SOX6: variants seen among roughly 807,000 people sequenced by gnomAD.
SOX6 encodes SRY-box transcription factor 6.
In SOX6, 11 loss-of-function variants were observed where a neutral mutation model predicts 97.8. The ratio of observed to expected loss-of-function variants is 0.11; its 90% CI spans 0.07 to 0.19. SOX6 has a LOEUF of 0.19. Among genes scored for constraint, SOX6 ranks in the 10% least tolerant of loss-of-function variants. SOX6 has a pLI of 1.00. For missense variants in SOX6, 810 were observed against 1,039.5 expected (o/e 0.78, Z 3.04); for synonymous variants, 360 against 371.4 (o/e 0.97, Z 0.35).
chr11:16,579,538 A>G (rs779168070), intron 4 of SOX6, among the ~76,000 whole-genome samples: 16 of 152,054 alleles, frequency 1.1e-4, no homozygotes, highest in South Asian at 2.1e-4. Context: ...TACATACTCT[A>G]CCTTCTACCT....
intron 1 of SOX6, among the ~76,000 whole-genome samples, chr11:16,409,455 AAGAT>A (rs1397888218): frequency 6.6e-6 from 1 of 152,204 alleles, no homozygotes; most frequent in African/African-American, 2.4e-5. Flanking sequence ...CTTCCACACT[AAGAT>A]ATATATGACT....
At chr11:16,726,111 T>C (rs1177190284) in intron 2 of SOX6, among the ~76,000 whole-genome samples, 1 of 152,224 alleles carries the variant, frequency 6.6e-6, no homozygotes, top group Non-Finnish European at 1.5e-5. Context: ...GAAAATGTTA[T>C]AAAATCAACA....
Position 16,096,068 on chromosome 11 carries a change from A to G in SOX6, c.1029T>C (p.Ser343=). ...TGTCCAAATTCCTGCCAAAACGGTC[A>G]CTTAGGCCCTTTAGCCTTTGGTTAA... is the stretch of plus-strand genomic sequence containing the variant. ...PQINQRLKGL[S]DRFGRNLDTF... The change falls in exon 9 of 16, where the codon AGT becomes AGC. Residue 343 remains serine, a synonymous_variant. Transcript: ENST00000683767. 6.2e-7 allele frequency: 1 copy of G among 1,611,554 alleles called. No individual in the cohort carries two copies. Among genetic ancestry groups the G allele is most frequent in the Non-Finnish European group, 8.5e-7 (1 of 1,178,566 alleles).
At chr11:16,600,277 T>C (rs868416739) in intron 4 of SOX6, among the ~76,000 whole-genome samples, 3 of 152,342 alleles carry the variant, frequency 2.0e-5, no homozygotes, top group Middle Eastern at 6.8e-3. Context: ...GAAATCTTTA[T>C]CTGATTCATA....
chr11:16,707,970 T>C (rs1242394723), intron 3 of SOX6, among the ~76,000 whole-genome samples: 2 of 152,138 alleles, frequency 1.3e-5, no homozygotes, highest in South Asian at 4.1e-4. Context: ...CTGTCTATAA[T>C]ATTCAGATAA....
At chr11:16,681,708 C>T (rs995352304) in intron 3 of SOX6, among the ~76,000 whole-genome samples, 3 of 152,016 alleles carry the variant, frequency 2.0e-5, no homozygotes, top group African/African-American at 7.2e-5. Flanking sequence ...AATAGATAGA[C>T]CACTAGCCAG....
intron 3 of SOX6, among the ~76,000 whole-genome samples, chr11:16,616,356 A>G (rs1468862048): frequency 6.6e-6 from 1 of 152,072 alleles, no homozygotes; most frequent in Non-Finnish European, 1.5e-5. Context: ...TTGTTTTATT[A>G]TTTGTTAGCA....
At chr11:16,594,242 A>G (rs1177758648) in intron 4 of SOX6, among the ~76,000 whole-genome samples, 1 of 152,192 alleles carries the variant, frequency 6.6e-6, no homozygotes, top group Non-Finnish European at 1.5e-5. Flanking sequence ...CCTGTTACAA[A>G]ATGCCATACA....
chr11:16,501,093 T>A (rs1860699547), intron 4 of SOX6, among the ~76,000 whole-genome samples: 2 of 152,194 alleles, frequency 1.3e-5, no homozygotes, highest in Admixed American at 1.3e-4. Context: ...AACAGCATGG[T>A]ACTGGTACCA....
chr11:16,396,799 A>T (rs1858372919), intron 1 of SOX6, among the ~76,000 whole-genome samples: 1 of 151,532 alleles, frequency 6.6e-6, no homozygotes, highest in Non-Finnish European at 1.5e-5. Flanking sequence ...TAACAGGAGG[A>T]GCAGTCTTTA....
chr11:16,390,947 G>A (rs905903496), intron 1 of SOX6, among the ~76,000 whole-genome samples: 1 of 152,068 alleles, frequency 6.6e-6, no homozygotes, highest in African/African-American at 2.4e-5. Context: ...CAACCCAAAC[G>A]TCCATCAATG....
chr11:16,358,819 A>G (rs1857132807), upstream of SOX6, among the ~76,000 whole-genome samples: 1 of 152,156 alleles, frequency 6.6e-6, no homozygotes, highest in Non-Finnish European at 1.5e-5. Context: ...TTATTAGCCT[A>G]TGACTCTAAG....
At chr11:16,478,851 C>G (rs1860296746), upstream of SOX6, among the ~76,000 whole-genome samples, 1 of 152,120 alleles carries the variant, frequency 6.6e-6, no homozygotes, top group Non-Finnish European at 1.5e-5. Flanking sequence ...GATGGCAGCA[C>G]AAATGTGAAA....
chr11:16,682,078 T>C (rs1028156974), intron 3 of SOX6, among the ~76,000 whole-genome samples: 1 of 152,090 alleles, frequency 6.6e-6, no homozygotes, highest in South Asian at 2.1e-4. Context: ...TTCCAATCAA[T>C]AGAAAAAGAG....
intron 15 of SOX6, among the ~76,000 whole-genome samples, chr11:15,978,040 T>C (rs1214134372): frequency 6.6e-6 from 1 of 152,090 alleles, no homozygotes; most frequent in Non-Finnish European, 1.5e-5. Flanking sequence ...CCTCTGCTTG[T>C]GCACTGAAAC....
chr11:16,630,627 A>C (rs188695225), intron 3 of SOX6, among the ~76,000 whole-genome samples: 1 of 152,050 alleles, frequency 6.6e-6, no homozygotes, highest in Admixed American at 6.6e-5. Flanking sequence ...TGACAAGTTT[A>C]AGTCTAAAAT....
intron 1 of SOX6, among the ~76,000 whole-genome samples, chr11:16,369,583 A>T (rs1857449157): frequency 6.6e-6 from 1 of 152,188 alleles, no homozygotes; most frequent in African/African-American, 2.4e-5. Flanking sequence ...CCTCTTCAAC[A>T]CCAAATATTA....
intron 1 of SOX6, among the ~76,000 whole-genome samples, chr11:16,385,164 C>CAGTT (rs1437373531): frequency 6.6e-6 from 1 of 152,070 alleles, no homozygotes; most frequent in East Asian, 1.9e-4. Flanking sequence ...AACAGTCACA[C>CAGTT]AGTTAATCTG....
chr11:16,278,041 T>A (rs10741695), intron 3 of SOX6, among the ~76,000 whole-genome samples: 116,238 of 151,918 alleles, frequency 0.77, 44,604 homozygotes, highest in Middle Eastern at 0.79. Context: ...ATATATATAT[T>A]TCTCTCTTAG....
Sources: allele counts gnomAD v4.1 joint callset (sites outside exome capture counted in the v4.1 genomes callset), GRCh38; gene constraint gnomAD v4.1.1; transcripts MANE v1.5; gene names NCBI Gene and HGNC (gene_info 2026-07-23, HGNC 2026-07-21).